Variants in STARD3NL observed in about 807,000 individuals in gnomAD.
STARD3NL encodes STARD3 N-terminal like, also known as STARD3 N-terminal-like protein.
In STARD3NL, 17 loss-of-function variants were observed where a neutral mutation model predicts 30.9. The ratio of observed to expected loss-of-function variants is 0.55; its 90% confidence interval spans 0.38 to 0.82. The LOEUF (loss-of-function observed/expected upper bound fraction) is 0.82. STARD3NL is among the 40% of genes least tolerant of loss of function. The probability of loss-of-function intolerance (pLI) is 0.00; values close to 1 mark genes in which losing one functional copy is unlikely to be tolerated. For missense variants in STARD3NL, 234 were observed against 277.6 expected (o/e 0.84, Z 1.12); for synonymous variants, 112 against 100.5 (o/e 1.11, Z -0.69).
intron 1 of STARD3NL, among the ~76,000 whole-genome samples, chr7:38,191,209 A>G (rs1784672829): frequency 6.6e-6 from 1 of 152,116 alleles, no homozygotes; most frequent in Admixed American, 6.5e-5. Flanking sequence ...TTCTAATTTT[A>G]TTATTCCTTT....
chr7:38,224,075 C>T (rs1786618071), intron 7 of STARD3NL, among the ~76,000 whole-genome samples: 1 of 152,086 alleles, frequency 6.6e-6, no homozygotes, highest in African/African-American at 2.4e-5. Flanking sequence ...CTTTTTGCAT[C>T]CAGCCTCTTG....
chr7:38,228,456 C>T (rs1295238338), intron 7 of STARD3NL, among the ~76,000 whole-genome samples: 2 of 152,086 alleles, frequency 1.3e-5, no homozygotes, highest in Non-Finnish European at 2.9e-5. Context: ...GTACCAAGCT[C>T]AACATTTTTG....
intron 1 of STARD3NL, among the ~76,000 whole-genome samples, chr7:38,200,747 G>A (rs980592967): frequency 1.3e-5 from 2 of 152,038 alleles, no homozygotes; most frequent in African/African-American, 2.4e-5. Context: ...GGCCCTTACC[G>A]ATCCCCCAAA....
At chr7:38,189,587 C>G (rs1784599686) in intron 1 of STARD3NL, among the ~76,000 whole-genome samples, 1 of 152,172 alleles carries the variant, frequency 6.6e-6, no homozygotes, top group Non-Finnish European at 1.5e-5. Context: ...CTTTAGACCC[C>G]AAACCATTGG....
At chr7:38,219,787 A>T (rs1786346141) in intron 7 of STARD3NL, 127 bp downstream of exon 7, 1 of 715,124 alleles carries the variant, frequency 1.4e-6, no homozygotes, top group Non-Finnish European at 2.4e-6. Flanking sequence ...CATTAGGGAT[A>T]TGAAAATAGG....
intron 1 of STARD3NL, among the ~76,000 whole-genome samples, chr7:38,186,748 T>TCAGCAG (rs1784475263): frequency 6.6e-6 from 1 of 152,346 alleles, no homozygotes; most frequent in Non-Finnish European, 1.5e-5. Flanking sequence ...CAGTGGGCTC[T>TCAGCAG]ACCATCTAGG....
chr7:38,199,564 C>T (rs1785079153), intron 1 of STARD3NL, among the ~76,000 whole-genome samples: 1 of 152,174 alleles, frequency 6.6e-6, no homozygotes, highest in Non-Finnish European at 1.5e-5. Flanking sequence ...TAAGCAGTAT[C>T]ATTAAGTGGC....
chr7:38,189,360 G>A (rs1487731745), intron 1 of STARD3NL, among the ~76,000 whole-genome samples: 1 of 152,174 alleles, frequency 6.6e-6, no homozygotes, highest in Non-Finnish European at 1.5e-5. Flanking sequence ...GGAGCAGAAG[G>A]AAGTGCAGTT....
chr7:38,212,273 G>A (rs776411558), intron 2 of STARD3NL, among the ~76,000 whole-genome samples: 3 of 152,172 alleles, frequency 2.0e-5, no homozygotes, highest in Non-Finnish European at 4.4e-5. Context: ...CGGTAGATGA[G>A]CACACTTGCC....
intron 1 of STARD3NL, among the ~76,000 whole-genome samples, chr7:38,185,088 CT>C (rs1457558725): frequency 1.3e-5 from 2 of 151,976 alleles, no homozygotes; most frequent in African/African-American, 4.8e-5. Flanking sequence ...TGAATTGAGT[CT>C]TGTGATTAGT....
chr7:38,222,677 C>G lies in STARD3NL; in HGVS notation c.649+3017C>G, dbSNP rs547944363. 4.7e-4 allele frequency among the ~76,000 whole-genome samples: 71 copies of G among 152,250 alleles called. 1 individual carries two copies. Among genetic ancestry groups the G allele is most frequent in the Middle Eastern group, 6.8e-3 (2 of 294 alleles). On this transcript the variant is annotated intron_variant, in intron 7 of 8. Coordinates refer to ENST00000009041, the MANE Select transcript of STARD3NL (RefSeq NM_032016.4). ...GCATTTCACCTTTATCATTTACCAC[C>G]ACCTAGTGGTACCTTGGAGCATTAC... is the stretch of plus-strand genomic sequence containing the variant.
At position 38,180,561 on chromosome 7, in the gene STARD3NL, C is replaced by T. The variant is rs146158659; in HGVS notation, c.-59+2141C>T. 3.2e-3 allele frequency among the ~76,000 whole-genome samples: 481 copies of T among 152,272 alleles called. 2 individuals are homozygous for T. Among genetic ancestry groups the T allele is most frequent in the African/African-American group, 0.011 (467 of 41,532 alleles). The stretch of plus-strand genomic sequence containing the variant: ...CCAGGTATGTTACATACATTCTATT[C>T]CTTCCAACTTGTGGCAAAGGAAAAT... On this transcript the variant is annotated intron_variant, in intron 1 of 8. Transcript: ENST00000009041.
chr7:38,217,211 C>T lies in STARD3NL; in HGVS notation c.459C>T (p.Gly153=), dbSNP rs1562621230. ...LSKLFSQGAF[G]YVLPIISFIL... is the part of the protein sequence containing the mutation. The stretch of plus-strand genomic sequence containing the variant: ...AGCTTTTCTCTCAAGGGGCTTTTGG[C>T]TATGTGCTGCCCATCATTTCATTCA... The change falls in exon 6 of 9, where the codon GGC becomes GGT. Residue 153 remains glycine (G), a synonymous_variant. Coordinates refer to ENST00000009041, the MANE Select transcript of STARD3NL (RefSeq NM_032016.4). 1.2e-6 allele frequency: 2 copies of T among 1,614,074 alleles called. No homozygotes were observed. The highest frequency in any genetic ancestry group is 2.2e-5 in the East Asian group (1 of 44,880).
At chr7:38,186,182 C>A (rs964043885) in intron 1 of STARD3NL, among the ~76,000 whole-genome samples, 2 of 152,118 alleles carry the variant, frequency 1.3e-5, no homozygotes, top group Admixed American at 6.5e-5. Context: ...TTTATATGTA[C>A]ACTGAGGAGC....
intron 1 of STARD3NL, among the ~76,000 whole-genome samples, chr7:38,202,458 CA>C (rs1785227630): frequency 6.6e-6 from 1 of 151,960 alleles, no homozygotes; most frequent in Admixed American, 6.6e-5. Context: ...AAACATATAA[CA>C]AGTGCAAAAA....
At chr7:38,182,279 G>C (rs191336864) in intron 1 of STARD3NL, among the ~76,000 whole-genome samples, 44 of 152,258 alleles carry the variant, frequency 2.9e-4, no homozygotes, top group African/African-American at 8.9e-4. Flanking sequence ...TTTTAGTTAA[G>C]GGTCTGCCTT....
At chr7:38,222,458 C>T (rs958247009) in intron 7 of STARD3NL, among the ~76,000 whole-genome samples, 14 of 152,158 alleles carry the variant, frequency 9.2e-5, no homozygotes, top group African/African-American at 3.4e-4. Flanking sequence ...TGTTTTGTGT[C>T]ATAGGACTTT....
intron 1 of STARD3NL, among the ~76,000 whole-genome samples, chr7:38,191,302 A>G (rs1175586471): frequency 6.6e-6 from 1 of 152,188 alleles, no homozygotes; most frequent in African/African-American, 2.4e-5. Flanking sequence ...CCATGGACTC[A>G]TGGAATTTTT....
intron 1 of STARD3NL, among the ~76,000 whole-genome samples, chr7:38,178,680 T>C (rs1224035636): frequency 1.3e-5 from 2 of 152,034 alleles, no homozygotes; most frequent in African/African-American, 4.8e-5. Context: ...GGGATGGATA[T>C]AGGTAGCGGG....
Sources: allele counts gnomAD v4.1 joint callset (sites outside exome capture counted in the v4.1 genomes callset), GRCh38; gene constraint gnomAD v4.1.1; transcripts MANE v1.5; gene names NCBI Gene and HGNC (gene_info 2026-07-23, HGNC 2026-07-21).